Variants in ADARB2 observed in about 807,000 individuals in gnomAD.
The protein encoded by ADARB2 is inactive double-stranded RNA-specific editase B2.
Under a neutral mutation model 62.2 loss-of-function variants are expected in ADARB2, and 25 were observed. That is an observed-to-expected ratio of 0.40 (90% CI 0.29 to 0.56). The LOEUF (loss-of-function observed/expected upper bound fraction) is 0.56. Among genes scored for constraint, ADARB2 ranks in the 20% least tolerant of loss-of-function variants. The pLI is 0.43. For missense variants in ADARB2, 1,071 were observed against 1,077.4 expected, an observed-to-expected ratio of 0.99 and a Z score of 0.08; for synonymous variants, 572 against 500.8, an observed-to-expected ratio of 1.14 and a Z score of -1.90.
chr10:1,642,758 C>A (rs970913762), intron 1 of ADARB2, among the ~76,000 whole-genome samples: 2 of 151,992 alleles, frequency 1.3e-5, no homozygotes, highest in African/African-American at 2.4e-5. Flanking sequence ...CACATGCACA[C>A]ACACTCACAC....
chr10:1,585,988 A>C (rs190279514), intron 1 of ADARB2, among the ~76,000 whole-genome samples: 58 of 152,206 alleles, frequency 3.8e-4, no homozygotes, highest in South Asian at 1.5e-3. Flanking sequence ...GAGCCAAGAT[A>C]GCGCCACTGC....
At chr10:1,620,223 A>G (rs1217321243) in intron 1 of ADARB2, among the ~76,000 whole-genome samples, 3 of 152,148 alleles carry the variant, frequency 2.0e-5, no homozygotes, top group African/African-American at 7.2e-5. Context: ...AAATCAACAA[A>G]TTGACATATT....
intron 1 of ADARB2, among the ~76,000 whole-genome samples, chr10:1,547,441 G>A (rs1832540142): frequency 1.3e-5 from 1 of 77,342 alleles, no homozygotes; most frequent in Non-Finnish European, 2.6e-5. Context: ...GAGAGGCTGT[G>A]CAAGTCTATG....
intron 1 of ADARB2, among the ~76,000 whole-genome samples, chr10:1,729,520 C>G (rs1225037925): frequency 6.6e-6 from 1 of 152,142 alleles, no homozygotes; most frequent in Non-Finnish European, 1.5e-5. Flanking sequence ...ATGTTTCTGT[C>G]ATGTTTATTA....
intron 1 of ADARB2, among the ~76,000 whole-genome samples, chr10:1,669,330 G>A (rs757002901): frequency 2.0e-5 from 3 of 152,154 alleles, no homozygotes; most frequent in Non-Finnish European, 2.9e-5. Flanking sequence ...AGCCGATCCC[G>A]AGGACTTGAA....
chr10:1,263,073 T>C (rs185998628), intron 4 of ADARB2, among the ~76,000 whole-genome samples: 12 of 139,264 alleles, frequency 8.6e-5, no homozygotes, highest in African/African-American at 3.0e-4. Flanking sequence ...TAGGTGGGAA[T>C]TGAACAATGA....
intron 1 of ADARB2, among the ~76,000 whole-genome samples, chr10:1,694,505 A>T (rs2119130606): frequency 6.6e-6 from 1 of 151,778 alleles, no homozygotes; most frequent in Non-Finnish European, 1.5e-5. Context: ...ACGACCCACA[A>T]CCGGTGGCAC....
At chr10:1,527,298 G>A (rs574426320) in intron 1 of ADARB2, among the ~76,000 whole-genome samples, 6 of 152,270 alleles carry the variant, frequency 3.9e-5, no homozygotes, top group East Asian at 3.9e-4. Flanking sequence ...CATGTCTAGC[G>A]TTCCTTATAG....
intron 5 of ADARB2, among the ~76,000 whole-genome samples, 187 bp downstream of exon 5, chr10:1,241,944 C>T (rs748031729): frequency 4.6e-5 from 7 of 152,322 alleles, no homozygotes; most frequent in South Asian, 2.1e-4. Flanking sequence ...ATCTTCCCAG[C>T]GCACACGGCG....
At chr10:1,339,352 T>C (rs1832002348) in intron 3 of ADARB2, among the ~76,000 whole-genome samples, 2 of 152,232 alleles carry the variant, frequency 1.3e-5, no homozygotes, top group African/African-American at 4.8e-5. Context: ...GAGAAGCCAT[T>C]TTGTTTTGGG....
intron 1 of ADARB2, among the ~76,000 whole-genome samples, chr10:1,665,508 A>G (rs1379880299): frequency 6.6e-6 from 1 of 152,214 alleles, no homozygotes; most frequent in African/African-American, 2.4e-5. Context: ...CCCGAGGCCC[A>G]GAGAGGGAAT....
chr10:1,186,592 C>T (rs919459374), intron 8 of ADARB2: 1 of 518,238 alleles, frequency 1.9e-6, no homozygotes, highest in Non-Finnish European at 3.9e-6. Flanking sequence ...GCCCTTCCTG[C>T]CTTCCTGGCC....
chr10:1,409,706 C>T (rs28553481), intron 1 of ADARB2, among the ~76,000 whole-genome samples: 29,166 of 110,576 alleles, frequency 0.26, 8,149 homozygotes, highest in East Asian at 0.57. Flanking sequence ...GGTGCTGAGG[C>T]GTGGCTGTGG....
chr10:1,480,441 G>C (rs927269424), intron 1 of ADARB2, among the ~76,000 whole-genome samples: 5 of 152,228 alleles, frequency 3.3e-5, no homozygotes, highest in African/African-American at 9.6e-5. Flanking sequence ...GCTCACGCCT[G>C]TAATCCCAGC....
intron 1 of ADARB2, among the ~76,000 whole-genome samples, chr10:1,400,187 C>G (rs927334283): frequency 3.3e-5 from 5 of 152,242 alleles, no homozygotes; most frequent in Non-Finnish European, 7.3e-5. Flanking sequence ...GCACCTGCAG[C>G]TGTCCTGCGT....
chr10:1,400,390 G>A (rs942989616), intron 1 of ADARB2, among the ~76,000 whole-genome samples: 1 of 152,196 alleles, frequency 6.6e-6, no homozygotes, highest in African/African-American at 2.4e-5. Context: ...GAGACACATC[G>A]TGGTGAATCG....
intron 1 of ADARB2, among the ~76,000 whole-genome samples, chr10:1,671,196 C>T (rs1006313915): frequency 6.6e-6 from 1 of 152,194 alleles, no homozygotes; most frequent in Non-Finnish European, 1.5e-5. Flanking sequence ...TGGGCGCCGG[C>T]AAGCCACAGC....
At chr10:1,523,357 C>T (rs1400417191) in intron 1 of ADARB2, among the ~76,000 whole-genome samples, 1 of 152,168 alleles carries the variant, frequency 6.6e-6, no homozygotes, top group Non-Finnish European at 1.5e-5. Flanking sequence ...CACTGTGTTA[C>T]AGATCAGGAA....
chr10:1,689,050 C>G (rs920490499), intron 1 of ADARB2, among the ~76,000 whole-genome samples: 2 of 152,120 alleles, frequency 1.3e-5, no homozygotes, highest in Non-Finnish European at 2.9e-5. Flanking sequence ...AGACAGGTGC[C>G]AGCAAAGAAA....
Sources: allele counts gnomAD v4.1 joint callset (sites outside exome capture counted in the v4.1 genomes callset), GRCh38; gene constraint gnomAD v4.1.1; transcripts MANE v1.5; gene names NCBI Gene and HGNC (gene_info 2026-07-23, HGNC 2026-07-21).